ATP10B: variants seen among roughly 807,000 people sequenced by gnomAD.
The protein encoded by ATP10B is phospholipid-transporting ATPase VB.
Under a neutral mutation model 141.2 loss-of-function variants are expected in ATP10B, and 122 were observed. The observed-to-expected ratio is 0.86, with a 90% CI of 0.75 to 1.00. ATP10B has a LOEUF of 1.00. Among genes scored for constraint, ATP10B ranks in the 50% least tolerant of loss-of-function variants. The pLI, the probability that ATP10B is intolerant of heterozygous loss-of-function variation, is 0.00. For missense variants in ATP10B, 1,876 were observed against 1,825.3 expected (o/e 1.03, Z -0.51); for synonymous variants, 685 against 692.0 (o/e 0.99, Z 0.16).
rs60078265 is a variant in ATP10B, at chr5:160,823,001, CATATAT to C, written c.-576+28934_-576+28939del. On this transcript the variant is annotated intron_variant, in intron 1 of 25. Coordinates refer to ENST00000327245, the MANE Select transcript of ATP10B (RefSeq NM_025153.3). ...AAAATTACATATACATATATATATA[CATATAT>C]ATATATATATATATATATATATATA... Among the ~76,000 whole-genome samples, 117 of 34,500 alleles carry C rather than the reference CATATAT, an allele frequency of 3.4e-3. 3 individuals carry two copies. The South Asian group carries it at 0.057, about 17-fold the overall frequency. 22.6% of individuals were successfully genotyped at this position (34,500 alleles called of 152,430 possible).
chr5:160,698,115 T>A (rs10066090), intron 3 of ATP10B, among the ~76,000 whole-genome samples: 1 of 151,832 alleles, frequency 6.6e-6, no homozygotes, highest in Non-Finnish European at 1.5e-5. Flanking sequence ...TCCTACTGCT[T>A]ATGTGCCATT....
intron 20 of ATP10B, 28 bp downstream of exon 20, chr5:160,603,937 A>G (rs1375411163): frequency 1.9e-6 from 3 of 1,591,842 alleles, no homozygotes; most frequent in Non-Finnish European, 2.6e-6. Flanking sequence ...AGGACCAAAG[A>G]AAGAAGAATA....
At chr5:160,623,601 C>T (rs1441119575) in intron 13 of ATP10B, among the ~76,000 whole-genome samples, 1 of 152,058 alleles carries the variant, frequency 6.6e-6, no homozygotes, top group Non-Finnish European at 1.5e-5. Context: ...CATGGATTTC[C>T]AGATTTTCAC....
chr5:160,781,151 A>G (rs974226078), intron 2 of ATP10B, among the ~76,000 whole-genome samples: 1 of 152,236 alleles, frequency 6.6e-6, no homozygotes, highest in Non-Finnish European at 1.5e-5. Context: ...GAATGACCAC[A>G]AGGAATTGTC....
chr5:160,633,270 T>C (rs886986317), intron 12 of ATP10B: 2 of 152,234 alleles, frequency 1.3e-5, no homozygotes, highest in Non-Finnish European at 2.9e-5. Context: ...TGTAAGTTTA[T>C]TGCAGCACTG....
chr5:160,871,984 G>C, the ATP10B span, among the ~76,000 whole-genome samples: 1 of 152,038 alleles, frequency 6.6e-6, no homozygotes, highest in Non-Finnish European at 1.5e-5. Flanking sequence ...GTTTTCCATA[G>C]TGGCTGTACT....
Position 160,802,541 on chromosome 5 carries a change from C to T in ATP10B, c.-575-16738G>A, listed in dbSNP as rs560314028. On this transcript the variant is annotated intron_variant, in intron 1 of 25. Transcript: ENST00000327245. ...TGGTGAATGCACAGAACATTTCCCA[C>T]CAGTCATCTCCCCAACAAAACATCA... 3.1e-4 allele frequency among the ~76,000 whole-genome samples: 47 copies of T among 152,298 alleles called. No individual in the cohort carries two copies. In the South Asian group the frequency reaches 9.5e-3, roughly 31 times the overall value.
chr5:160,860,074 G>A, the ATP10B span, among the ~76,000 whole-genome samples: 1 of 151,786 alleles, frequency 6.6e-6, no homozygotes, highest in East Asian at 1.9e-4. Context: ...TTTCCTTTGT[G>A]AAGATAATCT....
intron 1 of ATP10B, among the ~76,000 whole-genome samples, chr5:160,818,833 G>A (rs991295833): frequency 6.6e-6 from 1 of 152,176 alleles, no homozygotes; most frequent in Non-Finnish European, 1.5e-5. Context: ...AAAATGATGA[G>A]TTCATGTCCT....
intron 3 of ATP10B, among the ~76,000 whole-genome samples, chr5:160,700,826 C>T (rs1005755690): frequency 2.6e-5 from 4 of 152,178 alleles, no homozygotes; most frequent in African/African-American, 4.8e-5. Context: ...CTCCTGAGAA[C>T]GTCAATCTCA....
intron 22 of ATP10B, among the ~76,000 whole-genome samples, chr5:160,595,305 G>A (rs1183119802): frequency 2.0e-5 from 3 of 151,734 alleles, no homozygotes; most frequent in Admixed American, 6.6e-5. Flanking sequence ...GGTACATAAC[G>A]AAATGAAGGC....
intron 12 of ATP10B, 63 bp from the exon 13 acceptor site, chr5:160,632,430 C>T: frequency 6.6e-7 from 1 of 1,515,846 alleles, no homozygotes; most frequent in African/African-American, 1.4e-5. Flanking sequence ...TTGGGGAAAA[C>T]CTAGACTTTG....
the ATP10B span, among the ~76,000 whole-genome samples, chr5:160,867,626 G>A: frequency 2.0e-5 from 3 of 152,074 alleles, no homozygotes; most frequent in Non-Finnish European, 4.4e-5. Context: ...GACTTAGATT[G>A]GGAGGATAAA....
the ATP10B span, among the ~76,000 whole-genome samples, chr5:160,873,202 G>T: frequency 6.7e-6 from 1 of 148,218 alleles, no homozygotes; most frequent in Non-Finnish European, 1.5e-5. Context: ...GGTTTCATAT[G>T]AATTTTAGAA....
chr5:160,786,848 G>A lies in ATP10B; in HGVS notation c.-575-1045C>T, dbSNP rs774950136. On this transcript the variant is annotated intron_variant, in intron 1 of 25. Coordinates refer to ENST00000327245, the MANE Select transcript of ATP10B (RefSeq NM_025153.3). ...TAGGGTCTGTCCAAGATGCAGCCTG[G>A]TTCTTGTTGAAGCCCTCACTCTCCA... Among the ~76,000 whole-genome samples, 60 of 152,084 alleles carry A rather than the reference G, an allele frequency of 3.9e-4. 1 individual carries two copies. The highest frequency in any genetic ancestry group is 7.1e-4 in the Non-Finnish European group (48 of 67,954).
chr5:160,575,161 T>C (rs1443932893), intron 24 of ATP10B, among the ~76,000 whole-genome samples: 2 of 150,550 alleles, frequency 1.3e-5, no homozygotes, highest in Non-Finnish European at 2.9e-5. Context: ...TGACTGGATT[T>C]TGGTAAATTT....
At chr5:160,864,473 C>T in the ATP10B span, among the ~76,000 whole-genome samples, 2 of 151,906 alleles carry the variant, frequency 1.3e-5, no homozygotes, top group African/African-American at 4.8e-5. Flanking sequence ...CAGCCAGCAT[C>T]ATACTGAATG....
the ATP10B span, among the ~76,000 whole-genome samples, chr5:160,903,296 G>A: frequency 6.6e-6 from 1 of 152,112 alleles, no homozygotes; most frequent in Non-Finnish European, 1.5e-5. Context: ...CCCAGTTCTC[G>A]ATGTGGTGAG....
At chr5:160,700,926 C>T (rs78294587) in intron 3 of ATP10B, among the ~76,000 whole-genome samples, 2,674 of 152,220 alleles carry the variant, frequency 0.018, 40 homozygotes, top group South Asian at 0.043. Flanking sequence ...CCTACCCTTT[C>T]GGTTGCCCAA....
Sources: allele counts gnomAD v4.1 joint callset (sites outside exome capture counted in the v4.1 genomes callset), GRCh38; gene constraint gnomAD v4.1.1; transcripts MANE v1.5; gene names NCBI Gene and HGNC (gene_info 2026-07-23, HGNC 2026-07-21).